Variants in TAOK3 observed in about 807,000 individuals in gnomAD.
TAOK3 encodes TAO kinase 3, also known as serine/threonine-protein kinase TAO3.
TAOK3 carries 40 observed loss-of-function variants against 120.4 expected under a neutral mutation model. The ratio of observed to expected loss-of-function variants is 0.33; its 90% CI spans 0.26 to 0.43. The LOEUF (loss-of-function observed/expected upper bound fraction) is 0.43, where lower values mean the gene tolerates loss of function less well. Ranked by LOEUF, TAOK3 falls within the 20% of genes least tolerant of loss-of-function variation. The probability of loss-of-function intolerance (pLI) is 1.00; values close to 1 mark genes in which losing one functional copy is unlikely to be tolerated. For missense variants in TAOK3, 821 were observed against 1,112.1 expected, an observed-to-expected ratio of 0.74 and a Z score of 3.72; for synonymous variants, 355 against 387.5, an observed-to-expected ratio of 0.92 and a Z score of 0.99.
intron 11 of TAOK3, among the ~76,000 whole-genome samples, chr12:118,210,179 T>C (rs892471036): frequency 2.0e-5 from 3 of 152,218 alleles, no homozygotes; most frequent in Non-Finnish European, 4.4e-5. Flanking sequence ...CCCTCATTCA[T>C]TCTTCCTGCT....
intron 9 of TAOK3, among the ~76,000 whole-genome samples, chr12:118,233,426 T>C (rs1252517237): frequency 6.6e-6 from 1 of 151,050 alleles, no homozygotes; most frequent in Non-Finnish European, 1.5e-5. Flanking sequence ...TTAAAATAAA[T>C]AAATAAATAC....
At chr12:118,289,296 CAAAAAAAAAA>C (rs59297201) in intron 1 of TAOK3, among the ~76,000 whole-genome samples, 2 of 78,722 alleles carry the variant, frequency 2.5e-5, no homozygotes, top group African/African-American at 9.8e-5. Flanking sequence ...AAGACTGTCT[CAAAAAAAAAA>C]AAAAAAAAAA....
intron 9 of TAOK3, among the ~76,000 whole-genome samples, chr12:118,218,855 G>A (rs1442968213): frequency 6.6e-6 from 1 of 152,138 alleles, no homozygotes; most frequent in Non-Finnish European, 1.5e-5. Flanking sequence ...TTGGGAGGCT[G>A]AGGCAGGAGA....
chr12:118,291,561 GTT>G (rs2042482524), intron 1 of TAOK3, among the ~76,000 whole-genome samples: 1 of 152,082 alleles, frequency 6.6e-6, no homozygotes, highest in South Asian at 2.1e-4. Context: ...TCCATACACT[GTT>G]TTACTTAAAA....
intron 9 of TAOK3, among the ~76,000 whole-genome samples, chr12:118,217,677 C>T (rs922977437): frequency 4.0e-5 from 6 of 148,536 alleles, no homozygotes; most frequent in African/African-American, 1.5e-4. Flanking sequence ...GAGTGAGACT[C>T]CATCTCAAAA....
chr12:118,300,578 TG>T (rs1390517603), intron 1 of TAOK3, among the ~76,000 whole-genome samples: 1 of 151,932 alleles, frequency 6.6e-6, no homozygotes, highest in African/African-American at 2.4e-5. Flanking sequence ...CGCACACACA[TG>T]CACGCACACA....
rs377288927 is a variant in TAOK3, at chr12:118,321,037, T to C, written c.-194+51611A>G. On this transcript the variant is annotated intron_variant, in intron 1 of 20. Coordinates refer to ENST00000392533, the MANE Select transcript of TAOK3 (RefSeq NM_016281.4). ...ATGCATAATGTGTTACATTTTAAAATAATGTTAATAATATAAACAACATTA... is the reference window on the plus strand; with the variant it reads ...ATGCATAATGTGTTACATTTTAAAACAATGTTAATAATATAAACAACATTA... Among the ~76,000 whole-genome samples, 36 of 152,250 alleles carry C rather than the reference T, an allele frequency of 2.4e-4. 2 individuals carry two copies. The South Asian group carries it at 6.8e-3, about 29-fold the overall frequency.
intron 10 of TAOK3, 57 bp from the exon 11 acceptor site, chr12:118,213,052 T>G: frequency 8.9e-7 from 1 of 1,119,916 alleles, no homozygotes. Flanking sequence ...GCACACTGAT[T>G]ACTTAAAACA....
rs1350310516 is a variant in TAOK3 at position 118,293,345 on chromosome 12, T to C, written c.-193-26586A>G. The stretch of plus-strand genomic sequence containing the variant: ...GCAGACGAATGTTAGCGATACACAG[T>C]CAAGTTTTATGCTTAAGGTGTTTAT... On this transcript the variant is annotated intron_variant, in intron 1 of 20. Coordinates refer to ENST00000392533, the MANE Select transcript of TAOK3 (RefSeq NM_016281.4). 2.6e-5 allele frequency among the ~76,000 whole-genome samples: 4 copies of C among 152,156 alleles called. No homozygotes were observed. The East Asian group carries it at 5.8e-4, about 22-fold the overall frequency.
rs1240130818 is a variant in TAOK3 at position 118,150,857 on chromosome 12, C to T, written c.*140G>A. ...GAGTAAGAATAAACAGGCACTAGTC[C>T]GACACGATGTCAGTAAGAGTAAGAG... On this transcript the variant is annotated 3_prime_UTR_variant, in exon 21 of 21. Coordinates refer to ENST00000392533, the MANE Select transcript of TAOK3 (RefSeq NM_016281.4). 1.7e-5 allele frequency: 16 copies of T among 950,724 alleles called. No homozygotes were observed. The highest frequency in any genetic ancestry group is 7.9e-5 in the East Asian group (3 of 37,860). 58.9% of individuals were successfully genotyped at this position (950,724 alleles called of 1,614,324 possible). A position where few individuals can be genotyped will look rare whatever the true frequency, so the allele number is the denominator to read the frequency against.
intron 14 of TAOK3, among the ~76,000 whole-genome samples, chr12:118,187,718 C>T (rs960765734): frequency 1.3e-5 from 2 of 152,154 alleles, no homozygotes; most frequent in African/African-American, 2.4e-5. Context: ...ACAAAAACAA[C>T]TTATTTTGTG....
At chr12:118,348,460 T>C (rs889040512) in intron 1 of TAOK3, among the ~76,000 whole-genome samples, 1 of 152,032 alleles carries the variant, frequency 6.6e-6, no homozygotes, top group African/African-American at 2.4e-5. Context: ...CTTTCTTTTT[T>C]TTTTTTTTGA....
At chr12:118,203,133 C>A (rs1405579673) in intron 11 of TAOK3, among the ~76,000 whole-genome samples, 1 of 151,976 alleles carries the variant, frequency 6.6e-6, no homozygotes, top group Admixed American at 6.6e-5. Context: ...ACACACTATC[C>A]CTTGAAAAAC....
intron 1 of TAOK3, among the ~76,000 whole-genome samples, chr12:118,282,345 T>G (rs1210182041): frequency 6.6e-6 from 1 of 152,228 alleles, no homozygotes; most frequent in Non-Finnish European, 1.5e-5. Flanking sequence ...CATTGTTATT[T>G]AAAAAGTTAT....
intron 1 of TAOK3, among the ~76,000 whole-genome samples, chr12:118,299,314 A>G (rs931705537): frequency 8.5e-5 from 13 of 152,160 alleles, no homozygotes; most frequent in African/African-American, 2.4e-4. Context: ...ACATTCAACA[A>G]ACTCATATAA....
chr12:118,214,437 G>A (rs868851938), intron 9 of TAOK3, among the ~76,000 whole-genome samples: 11 of 151,892 alleles, frequency 7.2e-5, no homozygotes, highest in Non-Finnish European at 1.2e-4. Context: ...TTGCATGTGC[G>A]TTTTAGCTCA....
chr12:118,205,851 TC>T lies in TAOK3; in HGVS notation c.820-4389del, dbSNP rs369657694. The stretch of plus-strand genomic sequence containing the variant: ...GTCTCAAACTCCTGACCTTAGGTGA[TC>T]CACCCACCTCAGCCTCCCAAAGTGC... On this transcript the variant is annotated intron_variant, in intron 11 of 20. Transcript: ENST00000392533. Among the ~76,000 whole-genome samples, 38 of 152,108 alleles carry T rather than the reference TC, an allele frequency of 2.5e-4. No homozygotes were observed. In the East Asian group the frequency reaches 6.4e-3, roughly 25 times the overall value.
chr12:118,154,565 G>A (rs1248666318), intron 19 of TAOK3, among the ~76,000 whole-genome samples: 1 of 151,914 alleles, frequency 6.6e-6, no homozygotes, highest in African/African-American at 2.4e-5. Flanking sequence ...TCATCCTCCC[G>A]AGTAGCTGAG....
At chr12:118,338,306 T>C (rs2044450980) in intron 1 of TAOK3, among the ~76,000 whole-genome samples, 1 of 152,192 alleles carries the variant, frequency 6.6e-6, no homozygotes, top group African/African-American at 2.4e-5. Context: ...AACATATGTG[T>C]CCTTCACTAA....
Sources: allele counts gnomAD v4.1 joint callset (sites outside exome capture counted in the v4.1 genomes callset), GRCh38; gene constraint gnomAD v4.1.1; transcripts MANE v1.5; gene names NCBI Gene and HGNC (gene_info 2026-07-23, HGNC 2026-07-21).